TBC1D32: variants seen among roughly 807,000 people sequenced by gnomAD.
TBC1D32 encodes protein broad-minded.
TBC1D32 carries 151 observed loss-of-function variants against 170.3 expected under a neutral mutation model. The ratio of observed to expected loss-of-function variants is 0.89; its 90% CI spans 0.78 to 1.01. The LOEUF (loss-of-function observed/expected upper bound fraction) is 1.01, where lower values mean the gene tolerates loss of function less well. Ranked by LOEUF, TBC1D32 falls within the 50% of genes least tolerant of loss-of-function variation. TBC1D32 has a pLI of 0.00. For missense variants in TBC1D32, 1,464 were observed against 1,457.1 expected, an observed-to-expected ratio of 1.00 and a Z score of -0.08; for synonymous variants, 498 against 488.0, an observed-to-expected ratio of 1.02 and a Z score of -0.27.
intron 20 of TBC1D32, among the ~76,000 whole-genome samples, chr6:121,232,487 C>CTGTAAATTTGATAGGA (rs1795870244): frequency 1.3e-5 from 2 of 152,060 alleles, no homozygotes; most frequent in Non-Finnish European, 2.9e-5. Flanking sequence ...ATAGGAATTG[C>CTGTAAATTTGATAGGA]ATTGAATCTG....
chr6:121,328,482 C>T (rs1231082825), intron 1 of TBC1D32, among the ~76,000 whole-genome samples: 1 of 151,712 alleles, frequency 6.6e-6, no homozygotes, highest in Non-Finnish European at 1.5e-5. Flanking sequence ...GACGGGGTTT[C>T]ACCGTGTTAG....
rs1046571624 is a variant in TBC1D32, at chr6:121,270,529, T to A, written c.1733+8592A>T. Reference sequence around the variant, plus strand: ...AATCTAGAAGAAATGGATAAATTCATGGACACATACACCCTCCCAAGACTA... The same window carrying A: ...AATCTAGAAGAAATGGATAAATTCAAGGACACATACACCCTCCCAAGACTA... On this transcript the variant is annotated intron_variant, in intron 15 of 31. Transcript: ENST00000398212. Among the ~76,000 whole-genome samples, 34 of 152,166 alleles carry A rather than the reference T, an allele frequency of 2.2e-4. 1 individual carries two copies. The highest frequency in any genetic ancestry group is 1.3e-4 in the Admixed American group (2 of 15,276).
chr6:121,108,922 G>A, intron 29 of TBC1D32, among the ~76,000 whole-genome samples: 1 of 152,114 alleles, frequency 6.6e-6, no homozygotes, highest in Non-Finnish European at 1.5e-5. Context: ...TGTGCATCAT[G>A]CATAGAGGTA....
chr6:121,240,541 T>C (rs1796841399), intron 19 of TBC1D32, among the ~76,000 whole-genome samples: 1 of 151,796 alleles, frequency 6.6e-6, no homozygotes, highest in Admixed American at 6.6e-5. Context: ...AAAAATATTG[T>C]CATAGCATCT....
At chr6:121,133,464 T>C (rs1440164711) in intron 24 of TBC1D32, among the ~76,000 whole-genome samples, 1 of 152,014 alleles carries the variant, frequency 6.6e-6, no homozygotes, top group Admixed American at 6.6e-5. Context: ...TGTGTGTATA[T>C]ACATGTAAAC....
At chr6:121,334,525 A>G (rs1338386496), upstream of TBC1D32, 5 of 1,432,172 alleles carry the variant, frequency 3.5e-6, no homozygotes, top group Admixed American at 7.2e-5. Context: ...AGCCCCGGCT[A>G]CGTGCGGCGT....
intron 3 of TBC1D32, among the ~76,000 whole-genome samples, chr6:121,316,911 A>G (rs1399975802): frequency 1.3e-5 from 2 of 152,166 alleles, no homozygotes; most frequent in Admixed American, 1.3e-4. Flanking sequence ...TTCATGGCAC[A>G]TGCATAGGCT....
intron 21 of TBC1D32, among the ~76,000 whole-genome samples, chr6:121,209,726 C>A (rs1792804088): frequency 6.6e-6 from 1 of 152,180 alleles, no homozygotes. Flanking sequence ...AGAATTCAAA[C>A]TCTTAACCAT....
chr6:121,253,542 C>A (rs1041583611), intron 17 of TBC1D32, among the ~76,000 whole-genome samples: 1 of 152,040 alleles, frequency 6.6e-6, no homozygotes, highest in Non-Finnish European at 1.5e-5. Flanking sequence ...CATGGTGAAA[C>A]CCCGTCTCTA....
intron 22 of TBC1D32, among the ~76,000 whole-genome samples, chr6:121,170,898 TG>T (rs1786885449): frequency 6.6e-6 from 1 of 152,122 alleles, no homozygotes; most frequent in Admixed American, 6.6e-5. Flanking sequence ...ACCAAAGTTA[TG>T]ACAGAATCAT....
chr6:121,160,741 C>T (rs1562718579), intron 23 of TBC1D32, among the ~76,000 whole-genome samples: 1 of 151,984 alleles, frequency 6.6e-6, no homozygotes, highest in Non-Finnish European at 1.5e-5. Flanking sequence ...CAATACATAC[C>T]CTACTTTAGC....
intron 24 of TBC1D32, among the ~76,000 whole-genome samples, chr6:121,144,319 T>G (rs1315283106): frequency 6.6e-6 from 1 of 152,176 alleles, no homozygotes; most frequent in Non-Finnish European, 1.5e-5. Flanking sequence ...TAATATGATC[T>G]AACCCATGTT....
At chr6:121,140,468 G>C (rs1163401134) in intron 24 of TBC1D32, among the ~76,000 whole-genome samples, 1 of 151,858 alleles carries the variant, frequency 6.6e-6, no homozygotes, top group Non-Finnish European at 1.5e-5. Flanking sequence ...TGACTGTAAA[G>C]ATTTTAATAT....
intron 2 of TBC1D32, among the ~76,000 whole-genome samples, chr6:121,320,034 G>A (rs999861812): frequency 1.3e-5 from 2 of 151,874 alleles, no homozygotes; most frequent in African/African-American, 2.4e-5. Context: ...CATTATATGA[G>A]GAATAGTGTA....
chr6:121,281,662 AC>A lies in TBC1D32; in HGVS notation c.1489del (p.Val497Ter), dbSNP rs772965338. 2 of 1,599,792 alleles carry A rather than the reference AC, an allele frequency of 1.3e-6. No homozygotes were observed. The highest frequency in any genetic ancestry group is 4.5e-5 in the East Asian group (2 of 44,118). On this transcript the variant is annotated frameshift_variant, in exon 14 of 32. Transcript: ENST00000398212. LOFTEE classifies it high-confidence loss of function. ...ACTGAGTATCCACAGAACTTCAGTC[AC>A]CATACTTGCAGGAGAGTAATTCTCT... ...HSENYSPASM[V>X]TEVLWILSDQ...
intron 24 of TBC1D32, among the ~76,000 whole-genome samples, chr6:121,134,182 C>G (rs1185303873): frequency 6.6e-6 from 1 of 152,080 alleles, no homozygotes; most frequent in Non-Finnish European, 1.5e-5. Flanking sequence ...GTTTTTTCAT[C>G]TTTGTTTCCT....
At chr6:121,139,136 G>A (rs1023653411) in intron 24 of TBC1D32, among the ~76,000 whole-genome samples, 11 of 152,074 alleles carry the variant, frequency 7.2e-5, no homozygotes, top group South Asian at 2.1e-4. Context: ...GTGAGCTACC[G>A]TGCCCAGCCA....
At chr6:121,241,673 C>G in intron 18 of TBC1D32, 121 bp from the exon 19 acceptor site, 2 of 861,078 alleles carry the variant, frequency 2.3e-6, no homozygotes, top group South Asian at 3.2e-5. Context: ...AAAATCATAC[C>G]TAAGATCTTA....
chr6:121,179,003 A>G (rs1467310951), intron 22 of TBC1D32, among the ~76,000 whole-genome samples: 1 of 152,170 alleles, frequency 6.6e-6, no homozygotes, highest in Non-Finnish European at 1.5e-5. Flanking sequence ...TGTCCAGACA[A>G]AAACTGAGAT....
Sources: allele counts gnomAD v4.1 joint callset (sites outside exome capture counted in the v4.1 genomes callset), GRCh38; gene constraint gnomAD v4.1.1; transcripts MANE v1.5; gene names NCBI Gene and HGNC (gene_info 2026-07-23, HGNC 2026-07-21).